Variants in CTNNA2 observed in about 807,000 individuals in gnomAD.
CTNNA2 encodes catenin alpha-2.
In CTNNA2, 42 loss-of-function variants were observed where a neutral mutation model predicts 101.0. The observed-to-expected ratio is 0.42, with a 90% CI of 0.32 to 0.54. The LOEUF (loss-of-function observed/expected upper bound fraction) is 0.54, where lower values mean the gene tolerates loss of function less well. CTNNA2 is among the 20% of genes least tolerant of loss of function. The pLI, the probability that CTNNA2 is intolerant of heterozygous loss-of-function variation, is 0.14. For missense variants in CTNNA2, 871 were observed against 1,223.1 expected (o/e 0.71, Z 4.29); for synonymous variants, 450 against 456.4 (o/e 0.99, Z 0.18).
intron 2 of CTNNA2, among the ~76,000 whole-genome samples, chr2:79,257,527 T>C: frequency 7.0e-6 from 1 of 143,868 alleles, no homozygotes; most frequent in East Asian, 2.1e-4. Context: ...ATAGGGAAAG[T>C]GGTACTTAAA....
intron 7 of CTNNA2, chr2:80,162,952 A>G: frequency 2.6e-6 from 4 of 1,538,292 alleles, no homozygotes; most frequent in Non-Finnish European, 3.6e-6. Flanking sequence ...TATTGGGGAT[A>G]TGGCAAACTG....
chr2:80,360,504 T>G (rs1184649290), intron 7 of CTNNA2, among the ~76,000 whole-genome samples: 1 of 151,718 alleles, frequency 6.6e-6, no homozygotes, highest in Non-Finnish European at 1.5e-5. Context: ...GTGGTAAGAG[T>G]GAAAGTGGAA....
Position 80,297,366 on chromosome 2 carries a change from G to C in CTNNA2, c.1057-95845G>C, listed in dbSNP as rs150591233. On this transcript the variant is annotated intron_variant, in intron 7 of 18. Transcript: ENST00000402739. Reference sequence around the variant, plus strand: ...ACTTTGCACAATGTACCTGACTTCTGTAAGCCTCAGGTTCTTCATGTGAAG... The same window carrying C: ...ACTTTGCACAATGTACCTGACTTCTCTAAGCCTCAGGTTCTTCATGTGAAG... 2.8e-4 allele frequency among the ~76,000 whole-genome samples: 43 copies of C among 152,280 alleles called. No homozygotes were observed. The East Asian group carries it at 6.6e-3, about 23-fold the overall frequency.
chr2:79,997,475 G>A (rs1692638883), intron 7 of CTNNA2, among the ~76,000 whole-genome samples: 1 of 152,122 alleles, frequency 6.6e-6, no homozygotes, highest in South Asian at 2.1e-4. Flanking sequence ...AACCCTGCAG[G>A]ATTTTTCTGT....
Position 79,945,859 on chromosome 2 carries a change from A to G in CTNNA2, c.1056+36062A>G, listed in dbSNP as rs185817458. Among the ~76,000 whole-genome samples, 4 of 152,286 alleles carry G rather than the reference A, an allele frequency of 2.6e-5. No homozygotes were observed. In the East Asian group the frequency reaches 7.7e-4, roughly 29 times the overall value. ...GACGGTCTATTAGGGGAGGCTCCCA[A>G]GTGCTTCAGTGTTCATTTTATTGTG... On this transcript the variant is annotated intron_variant, in intron 7 of 18. Coordinates refer to ENST00000402739, the MANE Select transcript of CTNNA2 (RefSeq NM_001282597.3).
At chr2:80,232,465 C>T (rs957608079) in intron 7 of CTNNA2, among the ~76,000 whole-genome samples, 2 of 148,730 alleles carry the variant, frequency 1.3e-5, no homozygotes, top group Non-Finnish European at 3.0e-5. Flanking sequence ...ATCTCCCATA[C>T]CCAGTCCTGA....
chr2:79,536,574 AGTGTGT>A (rs61029469), intron 1 of CTNNA2, among the ~76,000 whole-genome samples: 7 of 146,714 alleles, frequency 4.8e-5, no homozygotes, highest in Non-Finnish European at 9.0e-5. Flanking sequence ...TCTCTAAAGA[AGTGTGT>A]GTGTGTGTGT....
At chr2:79,534,067 T>C (rs533949842) in intron 1 of CTNNA2, among the ~76,000 whole-genome samples, 1 of 152,298 alleles carries the variant, frequency 6.6e-6, no homozygotes, top group South Asian at 2.1e-4. Flanking sequence ...GTGTTATCCT[T>C]CTTGTCAAAA....
chr2:80,508,048 A>T (rs1205347772), intron 9 of CTNNA2, among the ~76,000 whole-genome samples: 1 of 152,160 alleles, frequency 6.6e-6, no homozygotes, highest in Non-Finnish European at 1.5e-5. Context: ...GACATTTCCT[A>T]TTGGATGGCC....
chr2:80,339,174 CGT>C lies in CTNNA2; in HGVS notation c.1057-54025_1057-54024del, dbSNP rs112205278. Among the ~76,000 whole-genome samples the C allele has an allele frequency of 8.5e-3, 1,293 of 151,928 alleles. 15 individuals carry two copies. The highest frequency in any genetic ancestry group is 0.028 in the African/African-American group (1,179 of 41,450). On this transcript the variant is annotated intron_variant, in intron 7 of 18. Transcript: ENST00000402739. Reference sequence around the variant, plus strand: ...CAAACCACTTTCACTAATAATATAACGTGTGTGTGTGTGCACATGTGTGTGTG... The same window carrying C: ...CAAACCACTTTCACTAATAATATAACGTGTGTGTGTGCACATGTGTGTGTG...
intron 2 of CTNNA2, among the ~76,000 whole-genome samples, chr2:79,652,749 G>A (rs898426841): frequency 3.3e-5 from 5 of 152,080 alleles, no homozygotes; most frequent in African/African-American, 1.2e-4. Context: ...CCATTATTCA[G>A]TCTGCCATAG....
At chr2:79,907,908 T>C (rs1179130752) in intron 6 of CTNNA2, among the ~76,000 whole-genome samples, 1 of 152,296 alleles carries the variant, frequency 6.6e-6, no homozygotes, top group Middle Eastern at 3.4e-3. Context: ...CTACCTACAC[T>C]CATTCCTTAA....
At chr2:79,500,271 A>G (rs1573194964) in intron 4 of CTNNA2, among the ~76,000 whole-genome samples, 1 of 152,246 alleles carries the variant, frequency 6.6e-6, no homozygotes, top group African/African-American at 2.4e-5. Flanking sequence ...AGCTTTTTTC[A>G]ACATCTAAAC....
rs139260310 is a variant in CTNNA2, at chr2:80,638,707, G to T, written c.2575-8878G>T. ...TTGTTGACTATAATTAAGATTTCAT[G>T]GGCGTCCCCAAGGTTTACTTACCCA... On this transcript the variant is annotated intron_variant, in intron 18 of 18. Transcript: ENST00000402739. Among the ~76,000 whole-genome samples, 64 of 152,276 alleles carry T rather than the reference G, an allele frequency of 4.2e-4. 2 individuals carry two copies. The highest frequency in any genetic ancestry group is 1.4e-3 in the East Asian group (7 of 5,174).
At chr2:79,430,106 G>A (rs1014082955) in intron 4 of CTNNA2, among the ~76,000 whole-genome samples, 1 of 151,992 alleles carries the variant, frequency 6.6e-6, no homozygotes, top group African/African-American at 2.4e-5. Context: ...CTTGAGAGAA[G>A]CAAAAATCTC....
At chr2:79,642,440 G>A (rs1412997178) in intron 1 of CTNNA2, among the ~76,000 whole-genome samples, 1 of 152,168 alleles carries the variant, frequency 6.6e-6, no homozygotes, top group African/African-American at 2.4e-5. Flanking sequence ...CTTACATCTT[G>A]GATCCCCTCT....
chr2:80,223,561 A>C (rs1708699794), intron 7 of CTNNA2, among the ~76,000 whole-genome samples: 2 of 152,212 alleles, frequency 1.3e-5, no homozygotes, highest in Admixed American at 1.3e-4. Flanking sequence ...GGCGTGAGCC[A>C]CTGCGCCTGG....
chr2:79,903,625 G>A lies in CTNNA2; in HGVS notation c.853-5969G>A, dbSNP rs147676219. On this transcript the variant is annotated intron_variant, in intron 6 of 18. Coordinates refer to ENST00000402739, the MANE Select transcript of CTNNA2 (RefSeq NM_001282597.3). ...GTATAAGGAGGAATTGCCTGTGAAGGATAAAATAGGAGTGACTGGGCTTTT... is the reference window on the plus strand; with the variant it reads ...GTATAAGGAGGAATTGCCTGTGAAGAATAAAATAGGAGTGACTGGGCTTTT... Among the ~76,000 whole-genome samples, 382 of 152,224 alleles carry A rather than the reference G, an allele frequency of 2.5e-3. 8 individuals are homozygous for A. Among genetic ancestry groups the A allele is most frequent in the Admixed American group, 0.023 (349 of 15,280 alleles).
intron 7 of CTNNA2, among the ~76,000 whole-genome samples, chr2:79,956,631 G>A (rs1190146418): frequency 1.3e-5 from 2 of 152,038 alleles, no homozygotes; most frequent in Non-Finnish European, 2.9e-5. Context: ...AGAATTTATC[G>A]AACCCATTTT....
Sources: allele counts gnomAD v4.1 joint callset (sites outside exome capture counted in the v4.1 genomes callset), GRCh38; gene constraint gnomAD v4.1.1; transcripts MANE v1.5; gene names NCBI Gene and HGNC (gene_info 2026-07-23, HGNC 2026-07-21).